Variants in GPHN observed in about 807,000 individuals in gnomAD.
GPHN encodes the protein gephyrin.
A neutral mutation model predicts 95.5 loss-of-function variants in GPHN; 17 were observed. The ratio of observed to expected loss-of-function variants is 0.18; its 90% CI spans 0.12 to 0.27. GPHN has a LOEUF of 0.27. Among genes scored for constraint, GPHN ranks in the 10% least tolerant of loss-of-function variants. The probability of loss-of-function intolerance (pLI) is 1.00; values close to 1 mark genes in which losing one functional copy is unlikely to be tolerated. For missense variants in GPHN, 660 were observed against 978.1 expected (o/e 0.67, Z 4.34); for synonymous variants, 320 against 322.5 (o/e 0.99, Z 0.08).
chr14:67,276,956 T>G, the GPHN span, among the ~76,000 whole-genome samples: 1 of 152,228 alleles, frequency 6.6e-6, no homozygotes, highest in African/African-American at 2.4e-5. Flanking sequence ...ACACATCATT[T>G]AATATTAAAT....
intron 1 of GPHN, among the ~76,000 whole-genome samples, chr14:66,590,297 A>G (rs1878871005): frequency 6.6e-6 from 1 of 152,214 alleles, no homozygotes; most frequent in Admixed American, 6.5e-5. Flanking sequence ...TTCGAAAGCT[A>G]GCAGAAGACA....
At chr14:67,342,236 A>C in the GPHN span, among the ~76,000 whole-genome samples, 1 of 151,352 alleles carries the variant, frequency 6.6e-6, no homozygotes, top group African/African-American at 2.4e-5. Flanking sequence ...AAAAAAACAC[A>C]AAGAAAAAAA....
At chr14:67,477,042 T>C in the GPHN span, among the ~76,000 whole-genome samples, 1 of 152,058 alleles carries the variant, frequency 6.6e-6, no homozygotes, top group Admixed American at 6.6e-5. Context: ...GGCATGCGCC[T>C]ATAATCCCAG....
chr14:66,758,120 A>G (rs909267946), intron 2 of GPHN, among the ~76,000 whole-genome samples: 4 of 152,178 alleles, frequency 2.6e-5, no homozygotes, highest in African/African-American at 7.2e-5. Flanking sequence ...AGTGTAGAAA[A>G]CCAATTAGGA....
chr14:67,463,081 G>A, the GPHN span, among the ~76,000 whole-genome samples: 8 of 152,186 alleles, frequency 5.3e-5, no homozygotes, highest in Non-Finnish European at 1.0e-4. Context: ...CCAACAGGGT[G>A]GTGATCCTGA....
At chr14:67,046,638 A>T (rs72715303) in intron 10 of GPHN, among the ~76,000 whole-genome samples, 9,553 of 152,266 alleles carry the variant, frequency 0.063, 335 homozygotes, top group Middle Eastern at 0.085. Flanking sequence ...ATATTTTTTA[A>T]TCAGCCCTAG....
intron 4 of GPHN, among the ~76,000 whole-genome samples, chr14:66,853,061 A>G (rs1219057353): frequency 1.3e-5 from 2 of 152,204 alleles, no homozygotes; most frequent in African/African-American, 4.8e-5. Flanking sequence ...CAAATGAAGA[A>G]CCACAGGCAC....
chr14:66,586,581 T>C (rs1002087370), intron 1 of GPHN, among the ~76,000 whole-genome samples: 15 of 152,198 alleles, frequency 9.9e-5, no homozygotes, highest in African/African-American at 2.2e-4. Flanking sequence ...AGGGCAGGCT[T>C]GGTGGTGACA....
chr14:67,047,422 G>A (rs2075090657), intron 10 of GPHN, among the ~76,000 whole-genome samples: 1 of 148,474 alleles, frequency 6.7e-6, no homozygotes, highest in African/African-American at 2.5e-5. Flanking sequence ...CTGGAGTGCA[G>A]TGGTGCAATC....
chr14:67,398,931 G>A, the GPHN span, among the ~76,000 whole-genome samples: 100 of 152,306 alleles, frequency 6.6e-4, no homozygotes, highest in South Asian at 1.9e-3. Flanking sequence ...TTTTAATGAC[G>A]ATTATGTGGA....
At chr14:66,919,588 CAG>C (rs746654918) in intron 6 of GPHN, among the ~76,000 whole-genome samples, 7 of 152,150 alleles carry the variant, frequency 4.6e-5, no homozygotes, top group Non-Finnish European at 7.4e-5. Flanking sequence ...GCAGTAAACA[CAG>C]AGTTTCATTT....
At chr14:66,802,002 A>G (rs2060373662) in intron 3 of GPHN, among the ~76,000 whole-genome samples, 1 of 152,128 alleles carries the variant, frequency 6.6e-6, no homozygotes, top group East Asian at 1.9e-4. Flanking sequence ...CTGCAGCTCT[A>G]CAATCAGCAG....
intron 9 of GPHN, among the ~76,000 whole-genome samples, chr14:66,967,484 G>A (rs900275001): frequency 6.6e-6 from 1 of 151,834 alleles, no homozygotes. Context: ...TATATTACAG[G>A]TTGAGTATCC....
chr14:67,616,053 G>T, the GPHN span: 1 of 301,106 alleles, frequency 3.3e-6, no homozygotes. Context: ...AGAAGAGGGA[G>T]AGAATGAGGA....
At chr14:66,539,803 C>T (rs991955573) in intron 1 of GPHN, among the ~76,000 whole-genome samples, 3 of 152,088 alleles carry the variant, frequency 2.0e-5, no homozygotes, top group Non-Finnish European at 4.4e-5. Flanking sequence ...CAAATGCTCC[C>T]AGGAAATAAA....
intron 2 of GPHN, among the ~76,000 whole-genome samples, chr14:66,747,104 G>A (rs2058181776): frequency 6.6e-6 from 1 of 152,130 alleles, no homozygotes; most frequent in Non-Finnish European, 1.5e-5. Context: ...GGTAGTGGAG[G>A]AAAATAAATG....
intron 1 of GPHN, among the ~76,000 whole-genome samples, chr14:66,541,618 T>A (rs1047658699): frequency 1.6e-4 from 25 of 152,214 alleles, no homozygotes; most frequent in African/African-American, 6.0e-4. Flanking sequence ...AATGTGAAAG[T>A]GATTTTGTAC....
At chr14:67,136,439 G>T (rs550140526) in intron 17 of GPHN, among the ~76,000 whole-genome samples, 11 of 152,180 alleles carry the variant, frequency 7.2e-5, no homozygotes, top group Non-Finnish European at 1.0e-4. Flanking sequence ...GCCTTTAAAG[G>T]ATAGGGCAGT....
the GPHN span, among the ~76,000 whole-genome samples, chr14:67,640,474 C>G: frequency 1.3e-5 from 2 of 152,158 alleles, no homozygotes; most frequent in Non-Finnish European, 2.9e-5. Context: ...ATGGTCACTG[C>G]TCCTCAAATT....
Sources: allele counts gnomAD v4.1 joint callset (sites outside exome capture counted in the v4.1 genomes callset), GRCh38; gene constraint gnomAD v4.1.1; transcripts MANE v1.5; gene names NCBI Gene and HGNC (gene_info 2026-07-23, HGNC 2026-07-21).